MYO9B: variants seen among roughly 807,000 people sequenced by gnomAD.
MYO9B encodes the protein myosin IXB, also known as unconventional myosin-IXb.
Under a neutral mutation model 229.5 loss-of-function variants are expected in MYO9B, and 71 were observed. The ratio of observed to expected loss-of-function variants is 0.31; its 90% CI spans 0.26 to 0.38. MYO9B has a LOEUF of 0.38. Ranked by LOEUF, MYO9B falls within the 10% of genes least tolerant of loss-of-function variation. The pLI is 1.00. For synonymous variants in MYO9B, 1,185 were observed against 1,235.8 expected, an observed-to-expected ratio of 0.96 and a Z score of 0.86; for missense variants, 2,255 against 2,920.5, an observed-to-expected ratio of 0.77 and a Z score of 5.25.
rs1201771148 is a variant in MYO9B, at chr19:17,145,338, A to G, written c.841-59A>G. 24 of 1,464,826 alleles carry G rather than the reference A, an allele frequency of 1.6e-5. 1 individual carries two copies. The highest frequency in any genetic ancestry group is 1.4e-4 in the South Asian group (12 of 87,068). 90.7% of individuals were successfully genotyped at this position (1,464,826 alleles called of 1,614,324 possible). On this transcript the variant is annotated intron_variant, in intron 2 of 39. Transcript: ENST00000682292. ...AAAGCACAGTGTAAAATGAGAGGAAAAAAAAGAAAAAGAAATTCCACCCTC... is the reference window on the plus strand; with the variant it reads ...AAAGCACAGTGTAAAATGAGAGGAAGAAAAAGAAAAAGAAATTCCACCCTC...
chr19:17,160,254 G>T (rs746706488), intron 8 of MYO9B, among the ~76,000 whole-genome samples: 1 of 152,086 alleles, frequency 6.6e-6, no homozygotes, highest in Non-Finnish European at 1.5e-5. Flanking sequence ...AGGGCACCAC[G>T]TGATATTGCT....
intron 1 of MYO9B, among the ~76,000 whole-genome samples, chr19:17,091,684 G>A (rs1269628076): frequency 6.6e-6 from 1 of 152,160 alleles, no homozygotes; most frequent in Admixed American, 6.5e-5. Context: ...CTTGCAGGGG[G>A]CACGCCAGCT....
chr19:17,145,691 G>A (rs2072400466), intron 3 of MYO9B, among the ~76,000 whole-genome samples, 200 bp downstream of exon 3: 1 of 152,166 alleles, frequency 6.6e-6, no homozygotes, highest in African/African-American at 2.4e-5. Flanking sequence ...GCAGGGGCTG[G>A]GGGACGTGGC....
rs1239262442 is a variant in MYO9B, at chr19:17,206,699, C to A, written c.5407C>A (p.Gln1803Lys). ...RAVELPEKQE[Q>K]LAAIYAVLEH... is the part of the protein sequence containing the mutation. ...TGCAGAGCTGCCGGAGAAGCAGGAG[C>A]AGCTGGCTGCCATCTATGCCGTCCT... The change falls in exon 34 of 40, where the codon CAG becomes AAG. Residue 1803 changes from glutamine (Q) to lysine (K), a missense_variant. By Grantham distance (53) the Gln-to-Lys change is moderately conservative. This residue lies in a region of MYO9B where 416 missense variants were observed against 605.5 expected (regional missense o/e 0.69). Transcript: ENST00000682292. The A allele has an allele frequency of 6.3e-7, 1 of 1,580,434 alleles. No homozygotes were observed. Among genetic ancestry groups the A allele is most frequent in the Admixed American group, 1.8e-5 (1 of 54,746 alleles).
intron 2 of MYO9B, among the ~76,000 whole-genome samples, chr19:17,125,548 C>T (rs1599348508): frequency 6.6e-6 from 1 of 152,136 alleles, no homozygotes; most frequent in Non-Finnish European, 1.5e-5. Flanking sequence ...CTACCCCACC[C>T]CTGTAGGGTT....
Position 17,114,792 on chromosome 19 carries a change from T to C in MYO9B, c.840+12235T>C, listed in dbSNP as rs1031397736. ...GGCTGTGGCTCAGGTCTCGCTCCTTTAAGCATCTCCCCAGCAGGAAACAAG... is the reference window on the plus strand; with the variant it reads ...GGCTGTGGCTCAGGTCTCGCTCCTTCAAGCATCTCCCCAGCAGGAAACAAG... On this transcript the variant is annotated intron_variant, in intron 2 of 39. Transcript: ENST00000682292. 2.0e-5 allele frequency among the ~76,000 whole-genome samples: 3 copies of C among 151,992 alleles called. No homozygotes were observed. The South Asian group carries it at 6.2e-4, about 32-fold the overall frequency.
In MYO9B at chr19:17,157,051, A is replaced by G; in HGVS notation, c.1329+13A>G. The G allele has an allele frequency of 6.2e-7, 1 of 1,611,080 alleles. No homozygotes were observed. Among genetic ancestry groups the G allele is most frequent in the Non-Finnish European group, 8.5e-7 (1 of 1,178,768 alleles). On this transcript the variant is annotated intron_variant, in intron 7 of 39. Transcript: ENST00000682292. ...GCAGCTTCTGAAGGTACTGATTGCC[A>G]CCTCTGTCCCTTCTCAGGCCTGGCT...
intron 7 of MYO9B, among the ~76,000 whole-genome samples, chr19:17,157,948 C>T (rs181031090): frequency 1.3e-5 from 2 of 152,138 alleles, no homozygotes; most frequent in Non-Finnish European, 2.9e-5. Flanking sequence ...ATCCCCTCCT[C>T]CTCCACCGGT....
intron 2 of MYO9B, among the ~76,000 whole-genome samples, chr19:17,109,231 A>G (rs1472100122): frequency 1.3e-5 from 2 of 151,424 alleles, no homozygotes; most frequent in Non-Finnish European, 2.9e-5. Flanking sequence ...ACACCCAGCT[A>G]ATTTTTTGTA....
chr19:17,154,949 G>A (rs1341624411), intron 6 of MYO9B, among the ~76,000 whole-genome samples: 3 of 151,954 alleles, frequency 2.0e-5, no homozygotes, highest in African/African-American at 7.3e-5. Context: ...GCCACTCTGG[G>A]TGACAGAGCG....
intron 2 of MYO9B, among the ~76,000 whole-genome samples, chr19:17,109,298 C>G (rs989640159): frequency 6.6e-6 from 1 of 151,876 alleles, no homozygotes; most frequent in Non-Finnish European, 1.5e-5. Flanking sequence ...ATCTCCTGAC[C>G]TCGTGGTCCG....
At chr19:17,183,992 AG>A in intron 16 of MYO9B, 124 bp downstream of exon 16, 1 of 964,026 alleles carries the variant, frequency 1.0e-6, no homozygotes, top group East Asian at 2.6e-5. Flanking sequence ...CCTCCCTCCA[AG>A]AAAAAAAAAA....
intron 11 of MYO9B, among the ~76,000 whole-genome samples, chr19:17,169,374 A>AAC (rs1320085001): frequency 7.1e-6 from 1 of 139,936 alleles, no homozygotes; most frequent in Non-Finnish European, 1.5e-5. Context: ...TCTGTCTCAA[A>AAC]AAAAAAAAAA....
At chr19:17,174,173 GCACCCGC>G (rs552288363) in intron 13 of MYO9B, among the ~76,000 whole-genome samples, 37 of 152,046 alleles carry the variant, frequency 2.4e-4, no homozygotes, top group African/African-American at 8.7e-4. Flanking sequence ...GCGACTACAG[GCACCCGC>G]CACCACGCCT....
chr19:17,142,710 G>A (rs1378650365), intron 2 of MYO9B, among the ~76,000 whole-genome samples: 3 of 152,078 alleles, frequency 2.0e-5, no homozygotes, highest in African/African-American at 7.2e-5. Context: ...ATTGATGGAC[G>A]CTGAAATGTG....
intron 24 of MYO9B, among the ~76,000 whole-genome samples, chr19:17,199,558 G>A (rs2073083381): frequency 6.6e-6 from 1 of 151,658 alleles, no homozygotes. Flanking sequence ...CAGTCTGGCA[G>A]TCTGGAGTGC....
chr19:17,211,696 G>A lies in MYO9B; in HGVS notation c.5980G>A (p.Glu1994Lys). Residue 1994 changes from glutamate to lysine, a missense_variant, in exon 39 of 40, where the codon GAG (glutamate) becomes AAG (lysine). By Grantham distance (56) the Glu-to-Lys change is moderately conservative. This residue lies in a region of MYO9B where 331 missense variants were observed against 332.5 expected (regional missense o/e 1.00). Transcript: ENST00000682292. ...LPELDPRGSD[E>K]ENLDSETSAS... ...GGAGCTGGACCCAAGGGGCTCGGAC[G>A]AGGAGAACCTGGACTCGGAGACGTC... 6.2e-7 allele frequency: 1 copy of A among 1,612,380 alleles called. No individual in the cohort carries two copies. Among genetic ancestry groups the A allele is most frequent in the Non-Finnish European group, 8.5e-7 (1 of 1,179,572 alleles).
At chr19:17,201,128 G>A (rs957922930) in intron 26 of MYO9B, among the ~76,000 whole-genome samples, 1 of 152,184 alleles carries the variant, frequency 6.6e-6, no homozygotes, top group African/African-American at 2.4e-5. Flanking sequence ...CCCAGCTCCT[G>A]GGGGCTGAGG....
chr19:17,157,209 T>C, intron 7 of MYO9B, 171 bp downstream of exon 7: 2 of 816,092 alleles, frequency 2.5e-6, no homozygotes, highest in East Asian at 3.0e-5. Flanking sequence ...TCTGATGAGC[T>C]CTGTGGACAG....
Sources: allele counts gnomAD v4.1 joint callset (sites outside exome capture counted in the v4.1 genomes callset), GRCh38; gene constraint gnomAD v4.1.1; regional missense constraint gnomAD v4.1.1; transcripts MANE v1.5; gene names NCBI Gene and HGNC (gene_info 2026-07-23, HGNC 2026-07-21).